The following FGF10 variants were observed in gnomAD, a reference collection of about 807,000 sequenced individuals.
The protein encoded by FGF10 is fibroblast growth factor 10, also known as FGF-10.
In FGF10, 2 loss-of-function variants were observed where a neutral mutation model predicts 19.8. That is an observed-to-expected ratio of 0.10 (90% confidence interval 0.04 to 0.32). The LOEUF (loss-of-function observed/expected upper bound fraction) is 0.32, where lower values mean the gene tolerates loss of function less well. Among genes scored for constraint, FGF10 ranks in the 10% least tolerant of loss-of-function variants. FGF10 has a pLI of 1.00. For synonymous variants in FGF10, 112 were observed against 94.0 expected (o/e 1.19, Z -1.10); for missense variants, 191 against 246.3 (o/e 0.78, Z 1.50).
intron 1 of FGF10, among the ~76,000 whole-genome samples, chr5:44,378,361 TAAAGAACCA>T (rs1741911527): frequency 1.3e-5 from 2 of 152,192 alleles, no homozygotes; most frequent in East Asian, 1.9e-4. Flanking sequence ...ACCAATTTCT[TAAAGAACCA>T]GGCCTCTAAC....
intron 1 of FGF10, among the ~76,000 whole-genome samples, chr5:44,335,108 A>T (rs970673012): frequency 6.6e-6 from 1 of 152,118 alleles, no homozygotes; most frequent in Non-Finnish European, 1.5e-5. Flanking sequence ...GGAACATATA[A>T]ATCTGAATAG....
intron 1 of FGF10, among the ~76,000 whole-genome samples, chr5:44,345,673 A>C (rs1158344459): frequency 6.7e-6 from 1 of 148,550 alleles, no homozygotes; most frequent in Non-Finnish European, 1.5e-5. Context: ...CTTGCCTTTC[A>C]TCAGGCACCA....
At chr5:44,364,485 C>A (rs550429809) in intron 1 of FGF10, among the ~76,000 whole-genome samples, 2 of 151,888 alleles carry the variant, frequency 1.3e-5, no homozygotes, top group African/African-American at 2.4e-5. Flanking sequence ...TAGGTGGAGA[C>A]CAGGGATGCT....
At chr5:44,310,567 C>A (rs754691079) in intron 1 of FGF10, 37 bp from the exon 2 acceptor site, 1 of 1,406,192 alleles carries the variant, frequency 7.1e-7, no homozygotes, top group Non-Finnish European at 1.0e-6. Flanking sequence ...AATAAAGAAT[C>A]CTAAATATAT....
Position 44,303,373 on chromosome 5 carries a change from CT to C in FGF10, c.*1621del, listed in dbSNP as rs893479138. Among the ~76,000 whole-genome samples, 26 of 151,182 alleles carry C rather than the reference CT, an allele frequency of 1.7e-4. 1 individual carries two copies. In the South Asian group the frequency reaches 3.6e-3, roughly 21 times the overall value. On this transcript the variant is annotated 3_prime_UTR_variant, in exon 3 of 3. Coordinates refer to ENST00000264664, the MANE Select transcript of FGF10 (RefSeq NM_004465.2). ...CTTTAGTAAGACACATTTAGTGAGT[CT>C]TTTTTTTTGTACCAAAATACTGTGT...
chr5:44,372,997 G>A (rs1351362207), intron 1 of FGF10, among the ~76,000 whole-genome samples: 4 of 152,164 alleles, frequency 2.6e-5, no homozygotes, highest in East Asian at 3.9e-4. Context: ...TCATGTGTTT[G>A]CAGCTGAATA....
intron 1 of FGF10, among the ~76,000 whole-genome samples, chr5:44,324,484 G>C (rs998279136): frequency 6.6e-6 from 1 of 152,008 alleles, no homozygotes; most frequent in African/African-American, 2.4e-5. Flanking sequence ...TTGAAGAAAT[G>C]TTTTTATTTA....
intron 1 of FGF10, among the ~76,000 whole-genome samples, chr5:44,352,647 C>T (rs1482724742): frequency 6.6e-6 from 1 of 151,530 alleles, no homozygotes; most frequent in Non-Finnish European, 1.5e-5. Flanking sequence ...ATTATGTTTA[C>T]CCAGGCTTCT....
chr5:44,359,835 C>T (rs796177920), intron 1 of FGF10, among the ~76,000 whole-genome samples: 13 of 151,552 alleles, frequency 8.6e-5, no homozygotes, highest in African/African-American at 3.1e-4. Flanking sequence ...TCATCATCCA[C>T]TCCAACTTTC....
chr5:44,321,910 C>A (rs1469938402), intron 1 of FGF10, among the ~76,000 whole-genome samples: 1 of 152,042 alleles, frequency 6.6e-6, no homozygotes, highest in Non-Finnish European at 1.5e-5. Context: ...TATAGGGTGC[C>A]CATCACCATG....
chr5:44,336,555 T>A (rs1024662750), intron 1 of FGF10, among the ~76,000 whole-genome samples: 3 of 152,162 alleles, frequency 2.0e-5, no homozygotes, highest in Non-Finnish European at 4.4e-5. Context: ...AAGATTTCTC[T>A]AATGAGTACC....
In FGF10 at chr5:44,300,954, A is replaced by G. The variant is rs944566682; in HGVS notation, c.*4041T>C. Among the ~76,000 whole-genome samples the G allele has an allele frequency of 1.3e-5, 2 of 152,086 alleles. No individual in the cohort carries two copies. Among genetic ancestry groups the G allele is most frequent in the South Asian group, 4.1e-4 (2 of 4,824 alleles). ...TTGGGGTTTTGGGTTTTGGAGTAGG[A>G]AAGAAGTAGACTAGAAGCAATCTGG... On this transcript the variant is annotated 3_prime_UTR_variant, in exon 3 of 3. Coordinates refer to ENST00000264664, the MANE Select transcript of FGF10 (RefSeq NM_004465.2).
intron 1 of FGF10, among the ~76,000 whole-genome samples, chr5:44,364,787 T>C (rs2111865635): frequency 6.6e-6 from 1 of 151,970 alleles, no homozygotes; most frequent in East Asian, 1.9e-4. Flanking sequence ...AGTATCAAAA[T>C]GAATTGAAAC....
chr5:44,332,219 A>C (rs1740751785), intron 1 of FGF10, among the ~76,000 whole-genome samples: 1 of 152,218 alleles, frequency 6.6e-6, no homozygotes, highest in Admixed American at 6.5e-5. Flanking sequence ...ATGAATTTGA[A>C]ACAGCCAGTT....
intron 1 of FGF10, among the ~76,000 whole-genome samples, chr5:44,318,994 A>G (rs1324084512): frequency 6.6e-6 from 1 of 152,182 alleles, no homozygotes; most frequent in Non-Finnish European, 1.5e-5. Flanking sequence ...TTTCATATCC[A>G]ATTCTCTTTC....
At chr5:44,380,312 C>T (rs1160918640) in intron 1 of FGF10, among the ~76,000 whole-genome samples, 2 of 152,076 alleles carry the variant, frequency 1.3e-5, no homozygotes, top group Non-Finnish European at 2.9e-5. Context: ...TAACATATGT[C>T]AATAGTCAGA....
At chr5:44,344,603 T>TGTGTGTGTGTGTGTGTGTGTG (rs58735673) in intron 1 of FGF10, among the ~76,000 whole-genome samples, 3 of 149,252 alleles carry the variant, frequency 2.0e-5, no homozygotes, top group African/African-American at 5.0e-5. Context: ...TGTGTGTGTG[T>TGTGTGTGTGTGTGTGTGTGTG]TAAACCAACT....
At chr5:44,347,616 C>T (rs1000381595) in intron 1 of FGF10, among the ~76,000 whole-genome samples, 25 of 151,606 alleles carry the variant, frequency 1.6e-4, no homozygotes, top group Non-Finnish European at 4.4e-5. Flanking sequence ...TGGGGGGCAC[C>T]TTTTATACTT....
chr5:44,357,645 G>A (rs1741378912), intron 1 of FGF10, among the ~76,000 whole-genome samples: 1 of 151,420 alleles, frequency 6.6e-6, no homozygotes, highest in Admixed American at 6.6e-5. Context: ...TTCAAACTCA[G>A]CATCTGATCC....
Sources: gnomAD v4.1 joint callset for allele counts (sites outside exome capture counted in the v4.1 genomes callset) on GRCh38, gnomAD v4.1.1 for gene constraint, MANE v1.5 for transcripts, NCBI Gene and HGNC (gene_info 2026-07-23, HGNC 2026-07-21) for gene names.